Variants in KDM4C observed in about 807,000 individuals in gnomAD.
KDM4C encodes lysine demethylase 4C, also known as lysine-specific demethylase 4C.
In KDM4C, 81 loss-of-function variants were observed where a neutral mutation model predicts 129.3. That is an observed-to-expected ratio of 0.63 (90% CI 0.52 to 0.75). The LOEUF (loss-of-function observed/expected upper bound fraction) is 0.75, where lower values mean the gene tolerates loss of function less well. KDM4C is among the 30% of genes least tolerant of loss of function. The pLI, the probability that KDM4C is intolerant of heterozygous loss-of-function variation, is 0.00. For missense variants in KDM4C, 1,457 were observed against 1,304.0 expected (o/e 1.12, Z -1.81); for synonymous variants, 573 against 456.1 (o/e 1.26, Z -3.26).
At chr9:6,805,807 T>C (rs1396302193) in intron 3 of KDM4C, 33 bp downstream of exon 3, 14 of 1,576,066 alleles carry the variant, frequency 8.9e-6, no homozygotes, top group Non-Finnish European at 7.8e-6. Context: ...TTCTGTTTCC[T>C]TCAAAGATTT....
At chr9:6,861,430 A>G (rs762238901) in intron 5 of KDM4C, among the ~76,000 whole-genome samples, 155 of 152,356 alleles carry the variant, frequency 1.0e-3, no homozygotes, top group Non-Finnish European at 2.2e-4. Context: ...GTCAGCCTAT[A>G]GAATAGTACA....
intron 1 of KDM4C, among the ~76,000 whole-genome samples, chr9:6,772,839 C>CACA (rs1822172486): frequency 6.7e-6 from 1 of 149,626 alleles, no homozygotes. Context: ...ATTACAGGTG[C>CACA]GTGCCACCCC....
At chr9:7,101,349 C>A (rs1381494882) in intron 17 of KDM4C, among the ~76,000 whole-genome samples, 1 of 152,012 alleles carries the variant, frequency 6.6e-6, no homozygotes, top group Non-Finnish European at 1.5e-5. Flanking sequence ...GAAAAAAAAC[C>A]ATTTTAGCAA....
chr9:6,906,043 G>C (rs1358919867), intron 8 of KDM4C, among the ~76,000 whole-genome samples: 2 of 152,102 alleles, frequency 1.3e-5, no homozygotes, highest in Non-Finnish European at 2.9e-5. Context: ...TACTTACCGA[G>C]AAAATTGGGA....
At chr9:6,726,311 T>C (rs1406923867) in intron 1 of KDM4C, among the ~76,000 whole-genome samples, 2 of 152,176 alleles carry the variant, frequency 1.3e-5, no homozygotes, top group African/African-American at 4.8e-5. Flanking sequence ...GAAGTGTAAA[T>C]GTTTTGAAGG....
chr9:7,103,212 G>C (rs756324615), intron 17 of KDM4C, among the ~76,000 whole-genome samples: 2 of 152,090 alleles, frequency 1.3e-5, no homozygotes, highest in Non-Finnish European at 2.9e-5. Flanking sequence ...AACTTAACTT[G>C]CCCCTATGCT....
chr9:6,824,699 T>C (rs141017261), intron 4 of KDM4C, among the ~76,000 whole-genome samples: 19 of 151,842 alleles, frequency 1.3e-4, no homozygotes, highest in African/African-American at 4.6e-4. Flanking sequence ...AACAGTCCAT[T>C]ATATATCAAC....
chr9:7,027,543 C>A (rs375540350), intron 15 of KDM4C, among the ~76,000 whole-genome samples: 1 of 152,196 alleles, frequency 6.6e-6, no homozygotes, highest in Non-Finnish European at 1.5e-5. Flanking sequence ...CTGAAGCAAG[C>A]ACAGCATTAG....
intron 3 of KDM4C, among the ~76,000 whole-genome samples, chr9:6,806,214 G>T (rs914855051): frequency 2.0e-5 from 3 of 152,158 alleles, no homozygotes; most frequent in Non-Finnish European, 2.9e-5. Flanking sequence ...TCCCAAATTG[G>T]CCAGGCATGG....
At chr9:7,076,878 T>G (rs1030120352) in intron 17 of KDM4C, 6 of 995,734 alleles carry the variant, frequency 6.0e-6, no homozygotes, top group Non-Finnish European at 4.8e-6. Context: ...ATGATTTGGA[T>G]GCATCCTGAG....
chr9:6,898,080 A>G (rs1474976618), intron 8 of KDM4C, among the ~76,000 whole-genome samples: 1 of 152,168 alleles, frequency 6.6e-6, no homozygotes, highest in African/African-American at 2.4e-5. Context: ...GTTTGCTGGG[A>G]TGAAGTGCAG....
intron 15 of KDM4C, among the ~76,000 whole-genome samples, chr9:7,022,836 T>C (rs1825117678): frequency 1.3e-5 from 2 of 152,096 alleles, no homozygotes; most frequent in South Asian, 4.1e-4. Flanking sequence ...CTGTACCCAG[T>C]TTTTTGAGGG....
intron 18 of KDM4C, among the ~76,000 whole-genome samples, chr9:7,105,078 A>G (rs1837526904): frequency 6.6e-6 from 1 of 152,100 alleles, no homozygotes; most frequent in South Asian, 2.1e-4. Flanking sequence ...TCTTGAGTTG[A>G]TGTCCTTTTG....
At chr9:6,958,481 G>A (rs1167823218) in intron 8 of KDM4C, among the ~76,000 whole-genome samples, 1 of 151,812 alleles carries the variant, frequency 6.6e-6, no homozygotes. Flanking sequence ...CAGCTACTTG[G>A]GAGGCTGAGG....
intron 5 of KDM4C, among the ~76,000 whole-genome samples, chr9:6,860,198 G>A (rs888837895): frequency 1.3e-5 from 2 of 148,888 alleles, no homozygotes; most frequent in South Asian, 2.1e-4. Flanking sequence ...TGATGGGGAT[G>A]GGGGGGCGTT....
chr9:6,757,863 AG>A, upstream of KDM4C: 1 of 985,574 alleles, frequency 1.0e-6, no homozygotes, highest in Non-Finnish European at 1.2e-6. Context: ...GCGGAAGTTG[AG>A]CCCAAAGCAA....
At chr9:7,064,185 G>A (rs78257259) in intron 17 of KDM4C, among the ~76,000 whole-genome samples, 4,300 of 152,142 alleles carry the variant, frequency 0.028, 84 homozygotes, top group Middle Eastern at 0.068. Flanking sequence ...TTTAGTATCC[G>A]AACTGAGATA....
At chr9:6,949,444 C>T (rs936152091) in intron 8 of KDM4C, among the ~76,000 whole-genome samples, 1 of 152,212 alleles carries the variant, frequency 6.6e-6, no homozygotes, top group African/African-American at 2.4e-5. Flanking sequence ...GGGGTGGCGG[C>T]TGGGCAGAGG....
chr9:6,804,827 C>G (rs1440755262), intron 2 of KDM4C, among the ~76,000 whole-genome samples: 1 of 151,788 alleles, frequency 6.6e-6, no homozygotes, highest in Non-Finnish European at 1.5e-5. Flanking sequence ...ATAAACAGCA[C>G]ATAGGTACTT....
Sources: allele counts gnomAD v4.1 joint callset (sites outside exome capture counted in the v4.1 genomes callset), GRCh38; gene constraint gnomAD v4.1.1; transcripts MANE v1.5; gene names NCBI Gene and HGNC (gene_info 2026-07-23, HGNC 2026-07-21).